Variants in EYS observed in about 807,000 individuals in gnomAD.
EYS encodes protein eyes shut homolog.
Under a neutral mutation model 282.1 loss-of-function variants are expected in EYS, and 250 were observed. The ratio of observed to expected loss-of-function variants is 0.89; its 90% CI spans 0.80 to 0.98. EYS has a LOEUF of 0.98. Ranked by LOEUF, EYS falls within the 50% of genes least tolerant of loss-of-function variation. The probability of loss-of-function intolerance (pLI) is 0.00; values close to 1 mark genes in which losing one functional copy is unlikely to be tolerated. For synonymous variants in EYS, 1,355 were observed against 1,282.9 expected, an observed-to-expected ratio of 1.06 and a Z score of -1.20; for missense variants, 4,016 against 3,709.0, an observed-to-expected ratio of 1.08 and a Z score of -2.15.
chr6:64,302,742 C>G lies in EYS; in HGVS notation c.6191+4228G>C, dbSNP rs117066982. 9.1e-3 allele frequency among the ~76,000 whole-genome samples: 1,387 copies of G among 152,098 alleles called. 19 individuals are homozygous for G. The highest frequency in any genetic ancestry group is 0.049 in the East Asian group (253 of 5,172). ...CACTAGTAGCACAAGCCTTATTTAC[C>G]CTTAATTTTTAAAATTTAGATAAAT... is the stretch of plus-strand genomic sequence containing the variant. On this transcript the variant is annotated intron_variant, in intron 30 of 42. Transcript: ENST00000503581.
In EYS at chr6:63,778,078, C is replaced by T. The variant is rs755966517; in HGVS notation, c.7826G>A (p.Cys2609Tyr). 3.9e-6 allele frequency: 6 copies of T among 1,551,712 alleles called. No individual in the cohort carries two copies. The South Asian group carries it at 7.1e-5, about 18-fold the overall frequency. The change falls in exon 40 of 43, where the codon TGT (cysteine) becomes TAT (tyrosine). Residue 2609 changes from cysteine to tyrosine, a missense_variant. Physicochemically the swap from Cys to Tyr is radical, Grantham distance 194. Coordinates refer to ENST00000503581, the MANE Select transcript of EYS (RefSeq NM_001142800.2). ...HPNAGRSVGQ[C>Y]HASPCSLMKC... ...CATTAAACTGCAGGGAGAAGCATGA[C>T]ACTGGCCAACACTGCGTCCAGCATT... is the stretch of plus-strand genomic sequence containing the variant.
chr6:64,852,483 A>G (rs565215538), intron 19 of EYS, among the ~76,000 whole-genome samples: 27 of 152,224 alleles, frequency 1.8e-4, no homozygotes, highest in African/African-American at 6.3e-4. Context: ...CAGACAGCCT[A>G]TTGTGGGACA....
chr6:63,971,242 T>C (rs1218135134), intron 35 of EYS, among the ~76,000 whole-genome samples: 1 of 152,224 alleles, frequency 6.6e-6, no homozygotes, highest in Non-Finnish European at 1.5e-5. Context: ...GATTTACCTG[T>C]CAGTGTGATT....
intron 31 of EYS, among the ~76,000 whole-genome samples, chr6:64,191,171 T>C (rs1765091667): frequency 6.6e-6 from 1 of 152,156 alleles, no homozygotes; most frequent in Admixed American, 6.5e-5. Flanking sequence ...CTTTATGGTG[T>C]TAAAGTTCTT....
intron 13 of EYS, among the ~76,000 whole-genome samples, chr6:65,021,504 A>G (rs1376626239): frequency 6.6e-6 from 1 of 152,154 alleles, no homozygotes; most frequent in Non-Finnish European, 1.5e-5. Context: ...AGAAGTTCCA[A>G]ACTTTCCCAC....
intron 12 of EYS, among the ~76,000 whole-genome samples, chr6:65,101,467 G>A (rs980488677): frequency 6.6e-6 from 1 of 151,044 alleles, no homozygotes; most frequent in Non-Finnish European, 1.5e-5. Flanking sequence ...CGTATTATTT[G>A]TTTTCATTTT....
At chr6:64,793,168 A>G (rs949775681) in intron 22 of EYS, among the ~76,000 whole-genome samples, 1 of 152,098 alleles carries the variant, frequency 6.6e-6, no homozygotes, top group Non-Finnish European at 1.5e-5. Flanking sequence ...CCAAAAAGAA[A>G]TGATTCTTTA....
chr6:63,840,596 C>T (rs982087715), intron 36 of EYS, among the ~76,000 whole-genome samples: 2 of 152,070 alleles, frequency 1.3e-5, no homozygotes, highest in Non-Finnish European at 2.9e-5. Flanking sequence ...GAGGTCTTCT[C>T]TATAAAATCT....
Position 64,417,127 on chromosome 6 carries a change from C to A in EYS, c.5927+19047G>T, listed in dbSNP as rs72889620. On this transcript the variant is annotated intron_variant, in intron 28 of 42. Transcript: ENST00000503581. Reference sequence around the variant, plus strand: ...GGACACAGTGGTATGATAATTAGAGCTTTTATACATTACAGTGAAAAGCTA... The same window carrying A: ...GGACACAGTGGTATGATAATTAGAGATTTTATACATTACAGTGAAAAGCTA... Among the ~76,000 whole-genome samples, 1,521 of 152,250 alleles carry A rather than the reference C, an allele frequency of 1.0e-2. 9 individuals carry two copies. The highest frequency in any genetic ancestry group is 0.015 in the Non-Finnish European group (1,030 of 68,012).
chr6:65,450,704 G>T (rs1764367215), intron 5 of EYS, among the ~76,000 whole-genome samples: 2 of 152,018 alleles, frequency 1.3e-5, no homozygotes, highest in South Asian at 2.1e-4. Flanking sequence ...TCCCTTAAGG[G>T]GCTGAAGCTT....
intron 8 of EYS, among the ~76,000 whole-genome samples, chr6:65,374,395 G>T (rs893687155): frequency 1.3e-5 from 2 of 152,058 alleles, no homozygotes; most frequent in Non-Finnish European, 2.9e-5. Context: ...CATGGTTTTT[G>T]CAATCCGCAG....
intron 35 of EYS, among the ~76,000 whole-genome samples, chr6:63,934,761 AG>A (rs1027230649): frequency 1.3e-4 from 11 of 83,668 alleles, no homozygotes; most frequent in African/African-American, 3.3e-4. Flanking sequence ...GCAGAGGGGG[AG>A]GGGGGAGGGT....
chr6:64,129,017 T>C (rs192180726), intron 31 of EYS, among the ~76,000 whole-genome samples: 2 of 152,116 alleles, frequency 1.3e-5, no homozygotes, highest in South Asian at 4.1e-4. Flanking sequence ...TCTGGTCAAG[T>C]CTTGCCCACT....
intron 29 of EYS, among the ~76,000 whole-genome samples, chr6:64,370,062 C>T (rs1471810201): frequency 6.6e-6 from 1 of 151,932 alleles, no homozygotes; most frequent in Non-Finnish European, 1.5e-5. Context: ...AATTCCAGTA[C>T]TACTGAATAG....
chr6:64,615,980 G>T (rs191086592), intron 24 of EYS, among the ~76,000 whole-genome samples: 197 of 151,928 alleles, frequency 1.3e-3, no homozygotes, highest in African/African-American at 4.3e-3. Flanking sequence ...TTTTATTAAA[G>T]AAAGAGCTCA....
rs561629342 is a variant in EYS at position 64,547,056 on chromosome 6, G to A, written c.5644+43167C>T. On this transcript the variant is annotated intron_variant, in intron 26 of 42. Coordinates refer to ENST00000503581, the MANE Select transcript of EYS (RefSeq NM_001142800.2). ...TTCCCTCTGATGTTCGGACGTATTC[G>A]GAATTTCTTCCTTCTGGTGGGTTTG... Among the ~76,000 whole-genome samples, 30 of 152,266 alleles carry A rather than the reference G, an allele frequency of 2.0e-4. 1 individual carries two copies. Among genetic ancestry groups the A allele is most frequent in the Admixed American group, 9.2e-4 (14 of 15,296 alleles).
intron 19 of EYS, among the ~76,000 whole-genome samples, chr6:64,854,941 T>G (rs1766006641): frequency 6.6e-6 from 1 of 152,178 alleles, no homozygotes; most frequent in East Asian, 1.9e-4. Flanking sequence ...ATATTTTCAT[T>G]TAGACTTTTG....
intron 26 of EYS, among the ~76,000 whole-genome samples, chr6:64,518,924 T>C (rs1777647814): frequency 6.6e-6 from 1 of 151,792 alleles, no homozygotes; most frequent in South Asian, 2.1e-4. Flanking sequence ...ACCTCTTTCC[T>C]TTATAAATCA....
chr6:65,220,576 C>G (rs968864614), intron 12 of EYS, among the ~76,000 whole-genome samples: 2 of 152,120 alleles, frequency 1.3e-5, no homozygotes, highest in Non-Finnish European at 2.9e-5. Flanking sequence ...AGCCTCTTTT[C>G]TTTATAAATT....
Sources: allele counts gnomAD v4.1 joint callset (sites outside exome capture counted in the v4.1 genomes callset), GRCh38; gene constraint gnomAD v4.1.1; transcripts MANE v1.5; gene names NCBI Gene and HGNC (gene_info 2026-07-23, HGNC 2026-07-21).